The following ITGAE variants were observed in gnomAD, a reference collection of about 807,000 sequenced individuals.
The protein encoded by ITGAE is integrin alpha-E.
In ITGAE, 99 loss-of-function variants were observed where a neutral mutation model predicts 136.5. The observed-to-expected ratio is 0.73, with a 90% CI of 0.62 to 0.86. ITGAE has a LOEUF of 0.86. ITGAE is among the 40% of genes least tolerant of loss of function. The pLI is 0.00. For synonymous variants in ITGAE, 613 were observed against 591.8 expected (o/e 1.04, Z -0.52); for missense variants, 1,447 against 1,515.3 (o/e 0.95, Z 0.75).
At position 3,753,357 on chromosome 17, in the gene ITGAE, AC is replaced by A; in HGVS notation, c.1600del (p.Val534TrpfsTer33). 6.2e-7 allele frequency: 1 copy of A among 1,614,192 alleles called. No individual in the cohort carries two copies. The highest frequency in any genetic ancestry group is 8.5e-7 in the Non-Finnish European group (1 of 1,180,036). On this transcript the variant is annotated frameshift_variant, in exon 14 of 31. Transcript: ENST00000263087. LOFTEE classifies it high-confidence loss of function. Reference protein sequence around the residue: ...DMDGSTDFLLVAAPFYHVHGE... With the variant: ...DMDGSTDFLLXAAPFYHVHGE... ...ATGAACGTGGTAAAATGGAGCAGCC[AC>A]CAGCAAGAAGTCCGTGCTTCCATCC...
At chr17:3,794,065 G>A (rs1275404836) in intron 1 of ITGAE, among the ~76,000 whole-genome samples, 2 of 136,804 alleles carry the variant, frequency 1.5e-5, no homozygotes, top group East Asian at 2.3e-4. Flanking sequence ...TGCAACCTCC[G>A]CCTCCTGGGT....
At position 3,720,370 on chromosome 17, in the gene ITGAE, A is replaced by G; in HGVS notation, c.3270T>C (p.Leu1090=). The G allele has an allele frequency of 6.3e-7, 1 of 1,576,108 alleles. No individual in the cohort carries two copies. Among genetic ancestry groups the G allele is most frequent in the Non-Finnish European group, 8.7e-7 (1 of 1,145,342 alleles). The change falls in exon 29 of 31, where the codon CTT becomes CTC. Residue 1090 remains leucine (L), a synonymous_variant. Transcript: ENST00000263087. ...GAGATTTGTTGAAAGATATTTCACCAAGGATCTGCAGTTCAGTTACATCTT... is the reference window on the plus strand; with the variant it reads ...GAGATTTGTTGAAAGATATTTCACCGAGGATCTGCAGTTCAGTTACATCTT... ...LLKDVTELQI[L]GEISFNKSLY...
At chr17:3,734,368 C>T (rs775613650) in intron 21 of ITGAE, among the ~76,000 whole-genome samples, 8 of 152,212 alleles carry the variant, frequency 5.3e-5, no homozygotes, top group Non-Finnish European at 7.3e-5. Context: ...CCACCGTTCC[C>T]GGCCCAAAGT....
chr17:3,777,135 T>C (rs1441114951), intron 2 of ITGAE, among the ~76,000 whole-genome samples: 1 of 152,134 alleles, frequency 6.6e-6, no homozygotes, highest in African/African-American at 2.4e-5. Flanking sequence ...TAATTTTTTC[T>C]ATTTTTTAGT....
chr17:3,734,984 T>G (rs1403215274), intron 20 of ITGAE, 35 bp from the exon 21 acceptor site: 1 of 1,612,630 alleles, frequency 6.2e-7, no homozygotes, highest in Non-Finnish European at 8.5e-7. Context: ...TTACAGTTTA[T>G]TTCATCTGTA....
In ITGAE at chr17:3,753,926, C is replaced by G. The variant is rs140685563; in HGVS notation, c.1385-1G>C. The stretch of plus-strand genomic sequence containing the variant: ...TTGTGCAGCACGGCCACAGCGTAAC[C>G]TGGGGCAAGGGTGGTGTGGCTGTGA... On this transcript the variant is annotated splice_acceptor_variant, in intron 12 of 30. Coordinates refer to ENST00000263087, the MANE Select transcript of ITGAE (RefSeq NM_002208.5). LOFTEE classifies it high-confidence loss of function. 29 of 1,613,644 alleles carry G rather than the reference C, an allele frequency of 1.8e-5. No homozygotes were observed. In the African/African-American group the frequency reaches 3.3e-4, roughly 19 times the overall value.
At chr17:3,759,961 G>T (rs2052124557) in intron 7 of ITGAE, among the ~76,000 whole-genome samples, 2 of 152,206 alleles carry the variant, frequency 1.3e-5, no homozygotes, top group African/African-American at 4.8e-5. Context: ...ACAAGTAAGT[G>T]AGGTCATCTT....
rs187243007 is a variant in ITGAE, at chr17:3,789,873, T to C, written c.34+11238A>G. 5.7e-4 allele frequency among the ~76,000 whole-genome samples: 87 copies of C among 152,346 alleles called. 2 individuals carry two copies. The South Asian group carries it at 7.2e-3, about 13-fold the overall frequency. ...GAAAAACGTCTTTTTTATGGATAAATTATTACTAATAAATGTAGGAAGAAT... is the reference window on the plus strand; with the variant it reads ...GAAAAACGTCTTTTTTATGGATAAACTATTACTAATAAATGTAGGAAGAAT... On this transcript the variant is annotated intron_variant, in intron 1 of 30. Coordinates refer to ENST00000263087, the MANE Select transcript of ITGAE (RefSeq NM_002208.5).
At chr17:3,734,724 A>C (rs939732031) in intron 21 of ITGAE, 93 bp downstream of exon 21, 27 of 1,487,476 alleles carry the variant, frequency 1.8e-5, no homozygotes, top group Non-Finnish European at 2.4e-5. Flanking sequence ...GGCTGGAGGC[A>C]GGGGTGCCAG....
rs1458280114 is a variant in ITGAE at position 3,765,299 on chromosome 17, A to G, written c.156-1339T>C. ...AGGAGGCAGAGGTTGCAGTGAGCCGAGATCACGCCACTGAACTCCAGCCTG... is the reference window on the plus strand; with the variant it reads ...AGGAGGCAGAGGTTGCAGTGAGCCGGGATCACGCCACTGAACTCCAGCCTG... On this transcript the variant is annotated intron_variant, in intron 2 of 30. Coordinates refer to ENST00000263087, the MANE Select transcript of ITGAE (RefSeq NM_002208.5). Among the ~76,000 whole-genome samples, 3 of 142,430 alleles carry G rather than the reference A, an allele frequency of 2.1e-5. No homozygotes were observed. The East Asian group carries it at 6.5e-4, about 31-fold the overall frequency. 93.4% of individuals were successfully genotyped at this position (142,430 alleles called of 152,430 possible). A position where few individuals can be genotyped will look rare whatever the true frequency, so the allele number is the denominator to read the frequency against.
chr17:3,745,354 A>G (rs1439329209), intron 18 of ITGAE, among the ~76,000 whole-genome samples: 1 of 151,934 alleles, frequency 6.6e-6, no homozygotes, highest in Non-Finnish European at 1.5e-5. Context: ...TATTATTATT[A>G]TTTTGAGATG....
chr17:3,797,152 TA>T (rs1298976483), intron 1 of ITGAE, among the ~76,000 whole-genome samples: 1 of 21,764 alleles, frequency 4.6e-5, no homozygotes, highest in African/African-American at 2.3e-4. Context: ...TATATATATA[TA>T]TATATTTTTT....
At chr17:3,724,627 C>T (rs748451320) in intron 26 of ITGAE, 2 of 1,614,186 alleles carry the variant, frequency 1.2e-6, no homozygotes, top group African/African-American at 1.3e-5. Flanking sequence ...GCCAAGGACA[C>T]CAGGATGGTC....
chr17:3,723,238 G>A (rs749304972), intron 28 of ITGAE, 50 bp downstream of exon 28: 1 of 1,198,864 alleles, frequency 8.3e-7, no homozygotes, highest in Non-Finnish European at 1.2e-6. Flanking sequence ...TAGGGGCGAT[G>A]CCCGTGAGCA....
intron 30 of ITGAE, among the ~76,000 whole-genome samples, chr17:3,715,957 C>T (rs920240784): frequency 3.3e-5 from 5 of 152,046 alleles, no homozygotes; most frequent in African/African-American, 9.7e-5. Context: ...GAGTTTGAGA[C>T]CAGCCTGGCC....
Position 3,780,541 on chromosome 17 carries a change from G to A in ITGAE, c.35-2881C>T, listed in dbSNP as rs187343960. On this transcript the variant is annotated intron_variant, in intron 1 of 30. Coordinates refer to ENST00000263087, the MANE Select transcript of ITGAE (RefSeq NM_002208.5). ...TCGAACTCCTGACCTCAGCTGATCC[G>A]CCCACCTCGGCCTCCCAAAGTGCTG... is the stretch of plus-strand genomic sequence containing the variant. Among the ~76,000 whole-genome samples, 175 of 152,088 alleles carry A rather than the reference G, an allele frequency of 1.2e-3. 1 individual carries two copies. Among genetic ancestry groups the A allele is most frequent in the African/African-American group, 3.9e-3 (163 of 41,494 alleles).
Position 3,747,907 on chromosome 17 carries a change from G to T in ITGAE, c.2155+15C>A. The T allele has an allele frequency of 6.3e-7, 1 of 1,590,766 alleles. No homozygotes were observed. ...CCATCACACCAGGCAGGGGTCAGCT[G>T]GACCATTTTTTTACCTGACTCAGAG... On this transcript the variant is annotated intron_variant, in intron 17 of 30. Coordinates refer to ENST00000263087, the MANE Select transcript of ITGAE (RefSeq NM_002208.5).
At chr17:3,735,608 C>A (rs777159151) in intron 20 of ITGAE, among the ~76,000 whole-genome samples, 12 of 152,212 alleles carry the variant, frequency 7.9e-5, no homozygotes, top group Non-Finnish European at 8.8e-5. Context: ...CCGCACACAG[C>A]CCAGAATAGC....
rs769624357 is a variant in ITGAE at position 3,724,045 on chromosome 17, C to T, written c.3085-301G>A. The stretch of plus-strand genomic sequence containing the variant: ...CGGGAAGCCGCGCAGTGGTTCCCGC[C>T]GCAGGACCGGAGGCGTTTCTTCAAC... On this transcript the variant is annotated intron_variant, in intron 26 of 30. Coordinates refer to ENST00000263087, the MANE Select transcript of ITGAE (RefSeq NM_002208.5). The T allele has an allele frequency of 3.8e-6, 6 of 1,596,440 alleles. No homozygotes were observed. The Admixed American group carries it at 5.0e-5, about 13-fold the overall frequency.
Sources: allele counts gnomAD v4.1 joint callset (sites outside exome capture counted in the v4.1 genomes callset), GRCh38; gene constraint gnomAD v4.1.1; transcripts MANE v1.5; gene names NCBI Gene and HGNC (gene_info 2026-07-23, HGNC 2026-07-21).